CCSER1: variants seen among roughly 807,000 people sequenced by gnomAD.
The protein encoded by CCSER1 is serine-rich coiled-coil domain-containing protein 1.
A neutral mutation model predicts 82.0 loss-of-function variants in CCSER1; 41 were observed. The ratio of observed to expected loss-of-function variants is 0.50; its 90% CI spans 0.39 to 0.65. The LOEUF is 0.65. Among genes scored for constraint, CCSER1 ranks in the 30% least tolerant of loss-of-function variants. The pLI, the probability that CCSER1 is intolerant of heterozygous loss-of-function variation, is 0.00. For missense variants in CCSER1, 1,119 were observed against 1,064.2 expected (o/e 1.05, Z -0.72); for synonymous variants, 414 against 383.9 (o/e 1.08, Z -0.92).
At chr4:90,880,229 C>G (rs1721093408) in intron 8 of CCSER1, among the ~76,000 whole-genome samples, 1 of 152,164 alleles carries the variant, frequency 6.6e-6, no homozygotes, top group South Asian at 2.1e-4. Flanking sequence ...GATCTCAGTC[C>G]TTATGTTTCT....
At chr4:91,277,362 G>A (rs969651314) in intron 10 of CCSER1, among the ~76,000 whole-genome samples, 2 of 151,830 alleles carry the variant, frequency 1.3e-5, no homozygotes, top group Non-Finnish European at 2.9e-5. Flanking sequence ...ATCTTATTAT[G>A]TGTTACTGAT....
intron 1 of CCSER1, among the ~76,000 whole-genome samples, chr4:90,283,423 A>G (rs1729232042): frequency 2.6e-5 from 4 of 152,024 alleles, no homozygotes; most frequent in Admixed American, 2.6e-4. Context: ...ATACAAGCAT[A>G]TAGCATGCAA....
chr4:90,498,668 G>T (rs1349760508), intron 5 of CCSER1, among the ~76,000 whole-genome samples: 1 of 152,082 alleles, frequency 6.6e-6, no homozygotes, highest in Admixed American at 6.6e-5. Context: ...CATTTTAGAT[G>T]ATAAAAATTC....
intron 9 of CCSER1, among the ~76,000 whole-genome samples, chr4:91,024,938 G>T (rs1465662636): frequency 6.6e-6 from 1 of 151,982 alleles, no homozygotes; most frequent in Non-Finnish European, 1.5e-5. Context: ...TTATTTAAAT[G>T]ACCTTACAAT....
chr4:91,538,710 T>TATATATATATATATATATATATATAA (rs1560747576), intron 10 of CCSER1, among the ~76,000 whole-genome samples: 1 of 28,342 alleles, frequency 3.5e-5, no homozygotes, highest in Non-Finnish European at 6.8e-5. Context: ...TATATATATA[T>TATATATATATATATATATATATATAA]AATATCTCAG....
At chr4:90,568,888 C>T (rs552878999) in intron 5 of CCSER1, among the ~76,000 whole-genome samples, 2 of 152,020 alleles carry the variant, frequency 1.3e-5, no homozygotes, top group African/African-American at 4.8e-5. Flanking sequence ...CTGCCTCAGC[C>T]TCCAAAGTAG....
intron 10 of CCSER1, among the ~76,000 whole-genome samples, chr4:91,118,104 C>T (rs186244797): frequency 7.8e-4 from 118 of 152,122 alleles, no homozygotes; most frequent in African/African-American, 2.7e-3. Context: ...ATCCCTGATT[C>T]AATATTTTCT....
intron 10 of CCSER1, among the ~76,000 whole-genome samples, chr4:91,470,595 A>G (rs1337049629): frequency 6.6e-6 from 1 of 152,118 alleles, no homozygotes; most frequent in Non-Finnish European, 1.5e-5. Flanking sequence ...CACACCACCT[A>G]GCCAGCATAT....
At chr4:90,139,940 A>G (rs1333161076) in intron 1 of CCSER1, among the ~76,000 whole-genome samples, 2 of 152,196 alleles carry the variant, frequency 1.3e-5, no homozygotes, top group Non-Finnish European at 2.9e-5. Context: ...AACCTGGGCG[A>G]CAGAGTGAGA....
chr4:90,401,341 G>T (rs1752850489), intron 4 of CCSER1, among the ~76,000 whole-genome samples: 1 of 152,008 alleles, frequency 6.6e-6, no homozygotes, highest in South Asian at 2.1e-4. Context: ...TATGATACTG[G>T]CAAAAGACAA....
chr4:90,809,099 C>G (rs1405856826), intron 7 of CCSER1, among the ~76,000 whole-genome samples: 1 of 152,060 alleles, frequency 6.6e-6, no homozygotes, highest in African/African-American at 2.4e-5. Context: ...AGGAGGATCA[C>G]TTGAGCCCAG....
At position 90,644,124 on chromosome 4, in the gene CCSER1, C is replaced by T. The variant is rs1026114626; in HGVS notation, c.1932+15892C>T. 1.4e-4 allele frequency among the ~76,000 whole-genome samples: 21 copies of T among 152,214 alleles called. No homozygotes were observed. The East Asian group carries it at 1.7e-3, about 13-fold the overall frequency. On this transcript the variant is annotated intron_variant, in intron 6 of 10. Transcript: ENST00000509176. ...TGCTAGTTCACAGGATTTCTAAACACAGGTTTAATATCCCTTATCCAAAAC... is the reference window on the plus strand; with the variant it reads ...TGCTAGTTCACAGGATTTCTAAACATAGGTTTAATATCCCTTATCCAAAAC...
chr4:90,809,222 A>T (rs1308409125), intron 7 of CCSER1, among the ~76,000 whole-genome samples: 1 of 151,430 alleles, frequency 6.6e-6, no homozygotes, highest in East Asian at 1.9e-4. Flanking sequence ...CAAGAGGCTG[A>T]GGCAGGAGGA....
At chr4:91,134,577 A>C (rs534876312) in intron 10 of CCSER1, among the ~76,000 whole-genome samples, 1 of 152,338 alleles carries the variant, frequency 6.6e-6, no homozygotes. Context: ...ACAAAGAGAC[A>C]AATATTAGGC....
At chr4:90,910,902 A>G (rs1342833222) in intron 8 of CCSER1, among the ~76,000 whole-genome samples, 1 of 152,226 alleles carries the variant, frequency 6.6e-6, no homozygotes, top group Non-Finnish European at 1.5e-5. Flanking sequence ...GTCCCAGGCC[A>G]AGAATATGAA....
At position 90,932,970 on chromosome 4, in the gene CCSER1, GAAAGAAAGAA is replaced by G. The variant is rs1561384824; in HGVS notation, c.2172+9525_2172+9534del. ...AGAAAGAAAGAAAGAAAGAAAGAAA[GAAAGAAAGAA>G]AGAGAAAGAAAGAAAGAAAGAAAGA... On this transcript the variant is annotated intron_variant, in intron 9 of 10. Coordinates refer to ENST00000509176, the MANE Select transcript of CCSER1 (RefSeq NM_001145065.2). Among the ~76,000 whole-genome samples, 235 of 31,980 alleles carry G rather than the reference GAAAGAAAGAA, an allele frequency of 7.3e-3. 66 individuals carry two copies. The highest frequency in any genetic ancestry group is 0.027 in the African/African-American group (115 of 4,326). 21.0% of individuals were successfully genotyped at this position (31,980 alleles called of 152,430 possible).
intron 4 of CCSER1, among the ~76,000 whole-genome samples, chr4:90,403,221 C>T (rs115331143): frequency 0.023 from 3,567 of 151,888 alleles, 150 homozygotes; most frequent in African/African-American, 0.081. Context: ...CAGATTAGGC[C>T]GGGCGCGGTG....
intron 9 of CCSER1, among the ~76,000 whole-genome samples, chr4:91,019,604 C>A (rs1739745606): frequency 6.6e-6 from 1 of 152,092 alleles, no homozygotes; most frequent in Non-Finnish European, 1.5e-5. Context: ...ACACTCCCAG[C>A]TTTTCTTCCC....
chr4:90,343,130 C>G (rs766900230), intron 3 of CCSER1, among the ~76,000 whole-genome samples: 1 of 152,098 alleles, frequency 6.6e-6, no homozygotes, highest in Non-Finnish European at 1.5e-5. Flanking sequence ...TTAATATGTT[C>G]AAAATAAACT....
Sources: gnomAD v4.1 joint callset for allele counts (sites outside exome capture counted in the v4.1 genomes callset) on GRCh38, gnomAD v4.1.1 for gene constraint, MANE v1.5 for transcripts, NCBI Gene and HGNC (gene_info 2026-07-23, HGNC 2026-07-21) for gene names.